The following ERO1B variants were observed in gnomAD, a reference collection of about 807,000 sequenced individuals.
ERO1B encodes the protein ERO1-like protein beta.
Under a neutral mutation model 75.3 loss-of-function variants are expected in ERO1B, and 49 were observed. The ratio of observed to expected loss-of-function variants is 0.65; its 90% CI spans 0.52 to 0.83. The LOEUF (loss-of-function observed/expected upper bound fraction) is 0.83, where lower values mean the gene tolerates loss of function less well. Ranked by LOEUF, ERO1B falls within the 40% of genes least tolerant of loss-of-function variation. The pLI is 0.00. For missense variants in ERO1B, 512 were observed against 560.1 expected, an observed-to-expected ratio of 0.91 and a Z score of 0.87; for synonymous variants, 191 against 192.9, an observed-to-expected ratio of 0.99 and a Z score of 0.08.
intron 3 of ERO1B, among the ~76,000 whole-genome samples, chr1:236,252,351 T>C (rs1405561757): frequency 6.6e-6 from 1 of 152,186 alleles, no homozygotes; most frequent in East Asian, 1.9e-4. Context: ...CTAATAACTA[T>C]TGCAGTATTT....
At chr1:236,223,824 C>A (rs1664216123) in intron 13 of ERO1B, among the ~76,000 whole-genome samples, 1 of 151,954 alleles carries the variant, frequency 6.6e-6, no homozygotes, top group Non-Finnish European at 1.5e-5. Flanking sequence ...TACAAAATAC[C>A]AAAATGGCAA....
chr1:236,243,617 A>G, intron 5 of ERO1B, 122 bp from the exon 6 acceptor site: 1 of 562,480 alleles, frequency 1.8e-6, no homozygotes, highest in African/African-American at 1.9e-5. Context: ...TGATGTCACA[A>G]TTCTGCTATT....
intron 2 of ERO1B, among the ~76,000 whole-genome samples, chr1:236,261,790 G>A (rs900793286): frequency 3.6e-4 from 54 of 151,868 alleles, no homozygotes; most frequent in African/African-American, 1.1e-3. Flanking sequence ...AAAACAATAC[G>A]GCCAGACACA....
At chr1:236,281,044 C>T (rs1665817694) in intron 1 of ERO1B, among the ~76,000 whole-genome samples, 1 of 152,218 alleles carries the variant, frequency 6.6e-6, no homozygotes, top group Non-Finnish European at 1.5e-5. Flanking sequence ...GCCACAACGC[C>T]CCACTCAGAC....
At chr1:236,222,034 G>A in intron 13 of ERO1B, 24 bp from the exon 14 acceptor site, 7 of 1,577,690 alleles carry the variant, frequency 4.4e-6, no homozygotes, top group South Asian at 1.1e-5. Context: ...AATATTTTCA[G>A]TCTAATTAGA....
intron 2 of ERO1B, 118 bp downstream of exon 2, chr1:236,269,757 T>G (rs886790486): frequency 2.0e-5 from 15 of 742,486 alleles, no homozygotes; most frequent in Admixed American, 8.4e-5. Context: ...ACATAATAAA[T>G]TCAGTGATGA....
intron 3 of ERO1B, 128 bp from the exon 4 acceptor site, chr1:236,252,219 T>C (rs1665047084): frequency 1.6e-6 from 1 of 635,764 alleles, no homozygotes; most frequent in African/African-American, 1.9e-5. Context: ...AAATATACAC[T>C]CACTCAAATT....
rs116688164 is a variant in ERO1B at position 236,275,529 on chromosome 1, C to T, written c.103-5535G>A. ...CCCTCCCAATAAGTCAATGTATTCCCCAACCCGGAAGCTCATCAAATCAAG... is the reference window on the plus strand; with the variant it reads ...CCCTCCCAATAAGTCAATGTATTCCTCAACCCGGAAGCTCATCAAATCAAG... On this transcript the variant is annotated intron_variant, in intron 1 of 15. Coordinates refer to ENST00000354619, the MANE Select transcript of ERO1B (RefSeq NM_019891.4). 6.8e-3 allele frequency among the ~76,000 whole-genome samples: 1,029 copies of T among 152,290 alleles called. 13 individuals carry two copies. The highest frequency in any genetic ancestry group is 0.023 in the African/African-American group (946 of 41,544).
chr1:236,246,109 C>T (rs1664880728), intron 5 of ERO1B, among the ~76,000 whole-genome samples: 1 of 151,918 alleles, frequency 6.6e-6, no homozygotes, highest in Non-Finnish European at 1.5e-5. Flanking sequence ...TTTGGCAGTA[C>T]CTAATCTCAT....
chr1:236,260,411 G>T (rs1485579604), intron 2 of ERO1B, among the ~76,000 whole-genome samples: 1 of 152,206 alleles, frequency 6.6e-6, no homozygotes, highest in African/African-American at 2.4e-5. Flanking sequence ...TGTAATCTCA[G>T]CACTTTGGGA....
chr1:236,243,899 G>C (rs7553025), intron 5 of ERO1B, among the ~76,000 whole-genome samples: 26,872 of 151,944 alleles, frequency 0.18, 2,697 homozygotes, highest in African/African-American at 0.27. Context: ...TTTAAATTGT[G>C]TCTATACTTA....
At chr1:236,252,138 T>G in intron 3 of ERO1B, 47 bp from the exon 4 acceptor site, 1 of 1,276,564 alleles carries the variant, frequency 7.8e-7, no homozygotes, top group Non-Finnish European at 1.1e-6. Context: ...GATCTTTATT[T>G]TTTTTGGAAT....
chr1:236,268,405 A>C (rs1164526449), intron 2 of ERO1B, among the ~76,000 whole-genome samples: 1 of 151,860 alleles, frequency 6.6e-6, no homozygotes, highest in Admixed American at 6.6e-5. Flanking sequence ...GAGCCACTGC[A>C]CTCCAGTCTG....
At chr1:236,281,080 C>G (rs1665818796) in intron 1 of ERO1B, among the ~76,000 whole-genome samples, 1 of 152,204 alleles carries the variant, frequency 6.6e-6, no homozygotes, top group African/African-American at 2.4e-5. Flanking sequence ...TTGGGACTTA[C>G]CTGGCGATGC....
rs1665836109 is a variant in ERO1B, at chr1:236,281,734, G to A, written c.50C>T (p.Ala17Val). ...GCTCAGGGTGACCAGCAGCTGCACCGCGGCCGCTACCCCCTGCCCAGCGCC... is the reference window on the plus strand; with the variant it reads ...GCTCAGGGTGACCAGCAGCTGCACCACGGCCGCTACCCCCTGCCCAGCGCC... ...RAGAGQGVAA[A>V]VQLLVTLSFL... The change falls in exon 1 of 16, where the codon GCG becomes GTG. Residue 17 changes from alanine to valine, a missense_variant. Physicochemically the swap from Ala to Val is moderately conservative, Grantham distance 64. Transcript: ENST00000354619. 2.6e-6 allele frequency: 4 copies of A among 1,514,526 alleles called. No homozygotes were observed. The highest frequency in any genetic ancestry group is 4.0e-5 in the Admixed American group (2 of 50,162). The allele number at this position is 1,514,526 out of a possible 1,614,324, so 93.8% of individuals were successfully genotyped here.
At chr1:236,236,585 G>C (rs1664553476) in intron 6 of ERO1B, among the ~76,000 whole-genome samples, 187 bp from the exon 7 acceptor site, 1 of 151,042 alleles carries the variant, frequency 6.6e-6, no homozygotes, top group African/African-American at 2.4e-5. Flanking sequence ...TAATAACTTG[G>C]ACAAATTCCT....
chr1:236,274,092 T>G (rs1438217226), intron 1 of ERO1B, among the ~76,000 whole-genome samples: 1 of 151,040 alleles, frequency 6.6e-6, no homozygotes, highest in Non-Finnish European at 1.5e-5. Flanking sequence ...CAAGTGATTC[T>G]CGTGCCTCAG....
rs910497782 is a variant in ERO1B at position 236,215,324 on chromosome 1, A to C, written c.*3192T>G. Among the ~76,000 whole-genome samples, 1 of 152,178 alleles carries C rather than the reference A, an allele frequency of 6.6e-6. No individual in the cohort carries two copies. Among genetic ancestry groups the C allele is most frequent in the African/African-American group, 2.4e-5 (1 of 41,438 alleles). On this transcript the variant is annotated 3_prime_UTR_variant, in exon 16 of 16. Coordinates refer to ENST00000354619, the MANE Select transcript of ERO1B (RefSeq NM_019891.4). Reference sequence around the variant, plus strand: ...TTCTTACTTATAAAACAGAGAAGTAATTGTACCTACCTACTAGTGCTATTG... The same window carrying C: ...TTCTTACTTATAAAACAGAGAAGTACTTGTACCTACCTACTAGTGCTATTG...
chr1:236,248,625 A>G (rs1664942659), intron 5 of ERO1B, among the ~76,000 whole-genome samples: 1 of 152,210 alleles, frequency 6.6e-6, no homozygotes, highest in Non-Finnish European at 1.5e-5. Flanking sequence ...ATGTACAATG[A>G]AAAATGTAGC....
Sources: allele counts gnomAD v4.1 joint callset (sites outside exome capture counted in the v4.1 genomes callset), GRCh38; gene constraint gnomAD v4.1.1; transcripts MANE v1.5; gene names NCBI Gene and HGNC (gene_info 2026-07-23, HGNC 2026-07-21).